TRPV5: variants seen among roughly 807,000 people sequenced by gnomAD.
The protein encoded by TRPV5 is transient receptor potential cation channel subfamily V member 5.
TRPV5 carries 66 observed loss-of-function variants against 74.1 expected under a neutral mutation model. That is an observed-to-expected ratio of 0.89 (90% CI 0.73 to 1.09). TRPV5 has a LOEUF of 1.09. Ranked by LOEUF, TRPV5 falls within the 50% of genes least tolerant of loss-of-function variation. The pLI is 0.00. For missense variants in TRPV5, 936 were observed against 930.4 expected, an observed-to-expected ratio of 1.01 and a Z score of -0.08; for synonymous variants, 399 against 360.7, an observed-to-expected ratio of 1.11 and a Z score of -1.20.
Position 142,909,516 on chromosome 7 carries a change from G to A in TRPV5, c.1869C>T (p.Phe623=), listed in dbSNP as rs758731434. The change falls in exon 14 of 15, where the codon TTC becomes TTT. Residue 623 remains phenylalanine (F), a synonymous_variant. Transcript: ENST00000265310. ...GCAGGAACCAGCGGTCCCCCAGCCC[G>A]AATTCGCACCCACAGATCCCGGAGC... ...WPRSGICGCE[F]GLGDRWFLRV... The A allele has an allele frequency of 4.3e-6, 7 of 1,614,000 alleles. No individual in the cohort carries two copies. Among genetic ancestry groups the A allele is most frequent in the South Asian group, 3.3e-5 (3 of 91,082 alleles).
rs1796060101 is a variant in TRPV5, at chr7:142,930,081, G to A, written c.326C>T (p.Pro109Leu). The A allele has an allele frequency of 6.2e-6, 10 of 1,613,968 alleles. No individual in the cohort carries two copies. The Admixed American group carries it at 6.7e-5, about 11-fold the overall frequency. Reference sequence around the variant, plus strand: ...ACCTGCAAAAGCCTCACATGTGGTGGGCTCAAAGACCAGCTCTGGGGCAGC... The same window carrying A: ...ACCTGCAAAAGCCTCACATGTGGTGAGCTCAAAGACCAGCTCTGGGGCAGC... ...MEAAPELVFE[P>L]TTCEAFAGQT... is the part of the protein sequence containing the mutation. Residue 109 changes from proline (P) to leucine (L), a missense_variant, in exon 3 of 15, where the codon CCC becomes CTC. Physicochemically the swap from Pro to Leu is moderately conservative, Grantham distance 98 (BLOSUM62 -3). Coordinates refer to ENST00000265310, the MANE Select transcript of TRPV5 (RefSeq NM_019841.7).
chr7:142,908,881 T>C lies in TRPV5; in HGVS notation c.1896-73A>G, dbSNP rs1387167226. 7 of 1,470,512 alleles carry C rather than the reference T, an allele frequency of 4.8e-6. No homozygotes were observed. In the Admixed American group the frequency reaches 1.2e-4, roughly 24 times the overall value. The allele number at this position is 1,470,512 out of a possible 1,614,324, so 91.1% of individuals were successfully genotyped here. On this transcript the variant is annotated intron_variant, in intron 14 of 14. Transcript: ENST00000265310. ...GGCAGGGGAGAAGTAGAGGTGACCA[T>C]TTAGAAAGCAGGGTCAAGAGGGAAG...
chr7:142,928,113 A>G lies in TRPV5; in HGVS notation c.884T>C (p.Leu295Pro). The G allele has an allele frequency of 6.2e-7, 1 of 1,614,168 alleles. No homozygotes were observed. The highest frequency in any genetic ancestry group is 8.5e-7 in the Non-Finnish European group (1 of 1,180,024). Residue 295 changes from leucine (L) to proline (P), a missense_variant, in exon 7 of 15, where the codon CTT (leucine) becomes CCT (proline). By Grantham distance (98) the Leu-to-Pro change is moderately conservative. Coordinates refer to ENST00000265310, the MANE Select transcript of TRPV5 (RefSeq NM_019841.7). ...CTCTCGTTTATCAGAGGAGACCACA[A>G]GCTCCAGGAAGGACAGCTCCTCTCC... is the stretch of plus-strand genomic sequence containing the variant. ...SWGEELSFLE[L>P]VVSSDKREAR...
rs1795939999 is a variant in TRPV5 at position 142,924,311 on chromosome 7, TACACACATATAC to T, written c.1122+1206_1122+1217del. 1.6e-4 allele frequency among the ~76,000 whole-genome samples: 5 copies of T among 31,008 alleles called. 1 individual carries two copies. In the East Asian group the frequency reaches 5.0e-3, roughly 31 times the overall value. 20.3% of individuals were successfully genotyped at this position (31,008 alleles called of 152,430 possible). A position where few individuals can be genotyped will look rare whatever the true frequency, so the allele number is the denominator to read the frequency against. Reference sequence around the variant, plus strand: ...ACATGTATATATATACATATATATATACACACATATACATGTATATATATACATATATATATA... The same window carrying T: ...ACATGTATATATATACATATATATATATGTATATATATACATATATATATA... On this transcript the variant is annotated intron_variant, in intron 8 of 14. Transcript: ENST00000265310.
At chr7:142,921,642 A>AC (rs1795886950) in intron 8 of TRPV5, among the ~76,000 whole-genome samples, 1 of 151,844 alleles carries the variant, frequency 6.6e-6, no homozygotes, top group Non-Finnish European at 1.5e-5. Context: ...TGTCCTTCCT[A>AC]CCACCCCCCA....
intron 8 of TRPV5, among the ~76,000 whole-genome samples, chr7:142,924,277 T>TAC (rs1187757163): frequency 9.0e-6 from 1 of 111,502 alleles, no homozygotes; most frequent in African/African-American, 4.4e-5. Context: ...TATATATATA[T>TAC]ATACATATAC....
chr7:142,923,602 G>A (rs940217099), intron 8 of TRPV5, among the ~76,000 whole-genome samples: 12 of 152,118 alleles, frequency 7.9e-5, no homozygotes, highest in Admixed American at 7.9e-4. Flanking sequence ...TCTTTGAGCT[G>A]AAGTGGCTTT....
rs117397298 is a variant in TRPV5, at chr7:142,916,791, C to T, written c.1123-1223G>A. On this transcript the variant is annotated intron_variant, in intron 8 of 14. Coordinates refer to ENST00000265310, the MANE Select transcript of TRPV5 (RefSeq NM_019841.7). ...CTCACCTGCCCGGTGAGAGGCAGTG[C>T]TTTTAACACAGGGAACCAAGAGAGA... is the stretch of plus-strand genomic sequence containing the variant. Among the ~76,000 whole-genome samples the T allele has an allele frequency of 7.8e-3, 1,190 of 152,054 alleles. 11 individuals are homozygous for T. Among genetic ancestry groups the T allele is most frequent in the South Asian group, 0.025 (119 of 4,812 alleles).
At position 142,915,542 on chromosome 7, in the gene TRPV5, G is replaced by A. The variant is rs1200064352; in HGVS notation, c.1149C>T (p.Ile383=). 6.2e-7 allele frequency: 1 copy of A among 1,614,174 alleles called. No homozygotes were observed. The highest frequency in any genetic ancestry group is 1.7e-5 in the Admixed American group (1 of 60,024). The change falls in exon 9 of 15, where the codon ATC becomes ATT. Residue 383 remains isoleucine (I), a synonymous_variant. Transcript: ENST00000265310. ...TCACCAGCTCCCCCACCAGCCTGATGATATCTTCACGTGTCTCATAGGCCT... is the reference window on the plus strand; with the variant it reads ...TCACCAGCTCCCCCACCAGCCTGATAATATCTTCACGTGTCTCATAGGCCT... The part of the protein sequence containing the change: ...LQEAYETRED[I]IRLVGELVSI...
At chr7:142,932,350 G>C (rs1034243666) in intron 1 of TRPV5, among the ~76,000 whole-genome samples, 1 of 152,218 alleles carries the variant, frequency 6.6e-6, no homozygotes. Flanking sequence ...TCCACTGGAG[G>C]TATTGGGTGG....
chr7:142,908,481 C>T lies in TRPV5; in HGVS notation c.*33G>A, dbSNP rs376607612. On this transcript the variant is annotated 3_prime_UTR_variant, in exon 15 of 15. Coordinates refer to ENST00000265310, the MANE Select transcript of TRPV5 (RefSeq NM_019841.7). ...TCTCTGTCCCCGCCCCCAGGCCAAC[C>T]GGGAGTAAGGTCAAGAGTGATAGCG... 4 of 1,604,872 alleles carry T rather than the reference C, an allele frequency of 2.5e-6. No individual in the cohort carries two copies. Among genetic ancestry groups the T allele is most frequent in the African/African-American group, 2.7e-5 (2 of 74,746 alleles).
At chr7:142,925,163 A>G (rs1436435120) in intron 8 of TRPV5, 1 of 457,740 alleles carries the variant, frequency 2.2e-6, no homozygotes, top group Non-Finnish European at 3.9e-6. Context: ...AAATGGACTC[A>G]GAAATGGACT....
chr7:142,928,103 G>A lies in TRPV5; in HGVS notation c.894C>T (p.Ser298=). The A allele has an allele frequency of 6.2e-7, 1 of 1,614,148 alleles. No individual in the cohort carries two copies. The highest frequency in any genetic ancestry group is 8.5e-7 in the Non-Finnish European group (1 of 1,180,034). Residue 298 remains serine (S), a synonymous_variant, in exon 7 of 15, where the codon TCC becomes TCT. Transcript: ENST00000265310. ...GCATCCATACCTCTCGTTTATCAGA[G>A]GAGACCACAAGCTCCAGGAAGGACA... ...EELSFLELVV[S]SDKREARQIL... is the part of the protein sequence containing the mutation.
chr7:142,909,351 C>G, intron 14 of TRPV5, 139 bp downstream of exon 14: 3 of 820,790 alleles, frequency 3.7e-6, no homozygotes, highest in Non-Finnish European at 5.7e-6. Flanking sequence ...GTACACACAG[C>G]ATTCTTCGTA....
chr7:142,929,367 C>T, intron 4 of TRPV5, 61 bp downstream of exon 4: 1 of 1,587,854 alleles, frequency 6.3e-7, no homozygotes, highest in East Asian at 2.2e-5. Context: ...CATGCCCTGG[C>T]CTCCCTCTGC....
At chr7:142,925,785 G>A (rs1302077910) in intron 7 of TRPV5, 44 bp from the exon 8 acceptor site, 8 of 1,561,080 alleles carry the variant, frequency 5.1e-6, no homozygotes, top group Non-Finnish European at 7.0e-6. Flanking sequence ...CAACACAGAA[G>A]GATGTTGTTT....
intron 14 of TRPV5, 141 bp downstream of exon 14, chr7:142,909,349 A>G: frequency 1.2e-6 from 1 of 808,522 alleles, no homozygotes; most frequent in Non-Finnish European, 1.9e-6. Flanking sequence ...AGGTACACAC[A>G]GCATTCTTCG....
intron 8 of TRPV5, among the ~76,000 whole-genome samples, chr7:142,924,343 T>TATATATATACAC (rs1795942379): frequency 1.6e-4 from 2 of 12,184 alleles, no homozygotes; most frequent in African/African-American, 2.8e-4. Flanking sequence ...TATACATATA[T>TATATATATACAC]ATATATATAG....
At chr7:142,925,915 CAGGT>C (rs1554530067) in intron 7 of TRPV5, among the ~76,000 whole-genome samples, 174 bp from the exon 8 acceptor site, 1 of 152,158 alleles carries the variant, frequency 6.6e-6, no homozygotes, top group Non-Finnish European at 1.5e-5. Context: ...GCTAGTGATA[CAGGT>C]AAATGACTAT....
Sources: allele counts gnomAD v4.1 joint callset (sites outside exome capture counted in the v4.1 genomes callset), GRCh38; gene constraint gnomAD v4.1.1; transcripts MANE v1.5; gene names NCBI Gene and HGNC (gene_info 2026-07-23, HGNC 2026-07-21).